The following EPAS1 variants were observed in gnomAD, a reference collection of about 807,000 sequenced individuals.
The protein encoded by EPAS1 is endothelial PAS domain-containing protein 1.
In EPAS1, 23 loss-of-function variants were observed where a neutral mutation model predicts 87.9. The observed-to-expected ratio is 0.26, with a 90% CI of 0.19 to 0.37. The LOEUF is 0.37. EPAS1 is among the 10% of genes least tolerant of loss of function. The pLI is 1.00. For synonymous variants in EPAS1, 508 were observed against 444.3 expected (o/e 1.14, Z -1.80); for missense variants, 1,138 against 1,120.7 (o/e 1.02, Z -0.22).
At chr2:46,355,068 C>T (rs1489567868) in intron 2 of EPAS1, among the ~76,000 whole-genome samples, 1 of 151,838 alleles carries the variant, frequency 6.6e-6, no homozygotes. Context: ...TAGAGCTCTT[C>T]CCATCTACAC....
At chr2:46,355,854 T>C (rs1366714367) in intron 2 of EPAS1, among the ~76,000 whole-genome samples, 2 of 152,202 alleles carry the variant, frequency 1.3e-5, no homozygotes, top group African/African-American at 2.4e-5. Flanking sequence ...TGGGGGCAGC[T>C]TGGGAAAACT....
rs1052229611 is a variant in EPAS1, at chr2:46,377,959, G to A, written c.1315G>A (p.Ala439Thr). 2 of 1,563,324 alleles carry A rather than the reference G, an allele frequency of 1.3e-6. No homozygotes were observed. Among genetic ancestry groups the A allele is most frequent in the African/African-American group, 1.4e-5 (1 of 73,516 alleles). The change falls in exon 10 of 16, where the codon GCC (alanine) becomes ACC (threonine). Residue 439 changes from alanine to threonine, a missense_variant. Ala to Thr is a moderately conservative substitution (Grantham distance 58). This residue lies in a region of EPAS1 where 284 missense variants were observed against 258.4 expected (regional missense o/e 1.10). Transcript: ENST00000263734. ...CATCCTGCCCCCGAGCCAGCCATGG[G>A]CCACGGAGTTGAGGAGCCACAGCAC... The part of the protein sequence containing the change: ...KAILPPSQPW[A>T]TELRSHSTQS...
chr2:46,356,453 C>A, intron 3 of EPAS1, 151 bp downstream of exon 3: 1 of 996,418 alleles, frequency 1.0e-6, no homozygotes, highest in Non-Finnish European at 1.5e-6. Flanking sequence ...CCTCAGGCCA[C>A]GCTCCCACCC....
At chr2:46,361,201 G>A (rs1000592313) in intron 6 of EPAS1, 111 bp downstream of exon 6, 65 of 1,227,352 alleles carry the variant, frequency 5.3e-5, no homozygotes, top group Admixed American at 9.9e-5. Flanking sequence ...TGGTATTGCC[G>A]GGTGCATGTT....
rs550258067 is a variant in EPAS1 at position 46,368,316 on chromosome 2, A to G, written c.780-1511A>G. 3.3e-5 allele frequency among the ~76,000 whole-genome samples: 5 copies of G among 152,280 alleles called. No homozygotes were observed. In the South Asian group the frequency reaches 1.0e-3, roughly 32 times the overall value. On this transcript the variant is annotated intron_variant, in intron 6 of 15. Coordinates refer to ENST00000263734, the MANE Select transcript of EPAS1 (RefSeq NM_001430.5). ...GAGAAGAGGGGAGAAGAGAAGGCATAAAGCTTCTGCAGCAAGAATGAGTTT... is the reference window on the plus strand; with the variant it reads ...GAGAAGAGGGGAGAAGAGAAGGCATGAAGCTTCTGCAGCAAGAATGAGTTT...
intron 4 of EPAS1, among the ~76,000 whole-genome samples, chr2:46,358,318 C>CA (rs2103631910): frequency 6.6e-6 from 1 of 152,330 alleles, no homozygotes; most frequent in South Asian, 2.1e-4. Context: ...GGTACACTGG[C>CA]AGAGAGCACC....
At chr2:46,356,452 A>T in intron 3 of EPAS1, 150 bp downstream of exon 3, 1 of 997,754 alleles carries the variant, frequency 1.0e-6, no homozygotes, top group Non-Finnish European at 1.5e-6. Flanking sequence ...GCCTCAGGCC[A>T]CGCTCCCACC....
rs548387474 is a variant in EPAS1 at position 46,385,245 on chromosome 2, G to A, written c.*585G>A. On this transcript the variant is annotated 3_prime_UTR_variant, in exon 16 of 16. Coordinates refer to ENST00000263734, the MANE Select transcript of EPAS1 (RefSeq NM_001430.5). ...TCTAATTTTGGAAAAAAAGAAATGT[G>A]AAGGGTCAACTCCAACGTATGTGGT... is the stretch of plus-strand genomic sequence containing the variant. 9.1e-5 allele frequency: 14 copies of A among 153,594 alleles called. No homozygotes were observed. Among genetic ancestry groups the A allele is most frequent in the African/African-American group, 3.1e-4 (13 of 41,334 alleles). 9.5% of individuals were successfully genotyped at this position (153,594 alleles called of 1,614,324 possible).
intron 1 of EPAS1, among the ~76,000 whole-genome samples, chr2:46,334,113 T>C (rs1348551852): frequency 6.6e-6 from 1 of 152,164 alleles, no homozygotes; most frequent in Non-Finnish European, 1.5e-5. Flanking sequence ...TTTCCTTGGC[T>C]TTGGTGCCAA....
At chr2:46,348,107 G>A (rs890521474) in intron 2 of EPAS1, among the ~76,000 whole-genome samples, 2 of 152,188 alleles carry the variant, frequency 1.3e-5, no homozygotes, top group Admixed American at 1.3e-4. Flanking sequence ...AGACCAGAAT[G>A]TACTATTCTG....
intron 4 of EPAS1, among the ~76,000 whole-genome samples, chr2:46,359,257 C>CAAAAAA (rs57351888): frequency 0.018 from 443 of 25,062 alleles, 61 homozygotes; most frequent in African/African-American, 0.032. Flanking sequence ...GATTCTGTCT[C>CAAAAAA]AAAAAAAAAA....
chr2:46,312,064 T>C (rs1049585681), intron 1 of EPAS1, among the ~76,000 whole-genome samples: 13 of 152,224 alleles, frequency 8.5e-5, no homozygotes, highest in Admixed American at 5.2e-4. Context: ...GAGTTAGATC[T>C]TCAGGGCCAA....
intron 3 of EPAS1, 59 bp from the exon 4 acceptor site, chr2:46,356,665 C>G (rs2103629526): frequency 7.3e-7 from 1 of 1,368,072 alleles, no homozygotes; most frequent in Non-Finnish European, 1.0e-6. Context: ...TCAGCTTACT[C>G]TTGGAGTCTT....
At chr2:46,322,877 C>T (rs1420547135) in intron 1 of EPAS1, among the ~76,000 whole-genome samples, 5 of 152,226 alleles carry the variant, frequency 3.3e-5, no homozygotes, top group African/African-American at 1.2e-4. Flanking sequence ...CAGAGATGTC[C>T]TCGGAATCTT....
intron 6 of EPAS1, 143 bp downstream of exon 6, chr2:46,361,233 C>A (rs1684381056): frequency 1.1e-6 from 1 of 932,192 alleles, no homozygotes; most frequent in Non-Finnish European, 1.7e-6. Context: ...GCCACTGTTT[C>A]ATTGCATCAG....
chr2:46,303,316 A>G (rs1306682944), intron 1 of EPAS1, among the ~76,000 whole-genome samples: 1 of 152,182 alleles, frequency 6.6e-6, no homozygotes, highest in Non-Finnish European at 1.5e-5. Flanking sequence ...CAGCTTAAAG[A>G]CTGGCTCAGA....
In EPAS1 at chr2:46,361,809, C is replaced by A. The variant is rs1049109554; in HGVS notation, c.779+719C>A. Among the ~76,000 whole-genome samples the A allele has an allele frequency of 2.0e-5, 3 of 152,272 alleles. No homozygotes were observed. The East Asian group carries it at 5.8e-4, about 29-fold the overall frequency. On this transcript the variant is annotated intron_variant, in intron 6 of 15. Coordinates refer to ENST00000263734, the MANE Select transcript of EPAS1 (RefSeq NM_001430.5). ...GTCATGCCATCTCGGGTTCTTAGCTCATTTAGAAGATTGAAGCAGGTGGGG... is the reference window on the plus strand; with the variant it reads ...GTCATGCCATCTCGGGTTCTTAGCTAATTTAGAAGATTGAAGCAGGTGGGG...
At chr2:46,321,886 C>A (rs1292916554) in intron 1 of EPAS1, among the ~76,000 whole-genome samples, 1 of 152,058 alleles carries the variant, frequency 6.6e-6, no homozygotes, top group East Asian at 1.9e-4. Context: ...CTCAGTAGAC[C>A]TATTTTCAGT....
chr2:46,297,867 G>C lies in EPAS1; in HGVS notation c.-45G>C, dbSNP rs1196023648. Reference sequence around the variant, plus strand: ...GCCACAGCCCCCCACCCGCCAGGGAGCCCAGGTGCTCGGCGTCTGAACGTC... The same window carrying C: ...GCCACAGCCCCCCACCCGCCAGGGACCCCAGGTGCTCGGCGTCTGAACGTC... On this transcript the variant is annotated 5_prime_UTR_variant, in exon 1 of 16. Transcript: ENST00000263734. The C allele has an allele frequency of 6.2e-7, 1 of 1,601,394 alleles. No individual in the cohort carries two copies. The highest frequency in any genetic ancestry group is 1.1e-5 in the South Asian group (1 of 89,602).
Sources: allele counts gnomAD v4.1 joint callset (sites outside exome capture counted in the v4.1 genomes callset), GRCh38; gene constraint gnomAD v4.1.1; regional missense constraint gnomAD v4.1.1; transcripts MANE v1.5; gene names NCBI Gene and HGNC (gene_info 2026-07-23, HGNC 2026-07-21).